The following SH3GLB1 variants were observed in gnomAD, a reference collection of about 807,000 sequenced individuals.
SH3GLB1 encodes SH3 domain containing GRB2 like, endophilin B1.
A neutral mutation model predicts 42.0 loss-of-function variants in SH3GLB1; 17 were observed. The ratio of observed to expected loss-of-function variants is 0.40; its 90% CI spans 0.28 to 0.61. The LOEUF (loss-of-function observed/expected upper bound fraction) is 0.61. Among genes scored for constraint, SH3GLB1 ranks in the 20% least tolerant of loss-of-function variants. SH3GLB1 has a pLI of 0.36. For missense variants in SH3GLB1, 355 were observed against 426.3 expected, an observed-to-expected ratio of 0.83 and a Z score of 1.47; for synonymous variants, 132 against 146.6, an observed-to-expected ratio of 0.90 and a Z score of 0.72.
At chr1:86,734,502 T>G in intron 5 of SH3GLB1, 100 bp from the exon 6 acceptor site, 5 of 811,364 alleles carry the variant, frequency 6.2e-6, no homozygotes, top group Non-Finnish European at 9.9e-6. Context: ...GATTATAACT[T>G]GAGGTTTGTT....
At chr1:86,724,242 C>G (rs1485615034) in intron 4 of SH3GLB1, 71 bp from the exon 5 acceptor site, 2 of 1,073,666 alleles carry the variant, frequency 1.9e-6, no homozygotes, top group Non-Finnish European at 2.7e-6. Context: ...GGGAATAATA[C>G]TTTAAATGTG....
chr1:86,710,119 T>A (rs1654112939), intron 1 of SH3GLB1, among the ~76,000 whole-genome samples: 1 of 152,234 alleles, frequency 6.6e-6, no homozygotes, highest in Non-Finnish European at 1.5e-5. Flanking sequence ...TGTTTTCACA[T>A]CCTTTGGTGC....
chr1:86,715,052 A>G (rs1258047441), intron 1 of SH3GLB1, among the ~76,000 whole-genome samples: 2 of 152,196 alleles, frequency 1.3e-5, no homozygotes, highest in Admixed American at 1.3e-4. Context: ...CTATAAATAA[A>G]TTGCTGGAAC....
intron 1 of SH3GLB1, among the ~76,000 whole-genome samples, chr1:86,708,811 C>T (rs962924890): frequency 2.6e-5 from 4 of 152,190 alleles, no homozygotes; most frequent in African/African-American, 9.6e-5. Flanking sequence ...CCCTTACAAT[C>T]TGGTCCTTTC....
At chr1:86,743,077 C>T in intron 8 of SH3GLB1, 51 bp from the exon 9 acceptor site, 1 of 1,390,772 alleles carries the variant, frequency 7.2e-7, no homozygotes, top group Non-Finnish European at 1.0e-6. Context: ...TGGTTTTCTA[C>T]TTGTTTATTT....
At chr1:86,730,287 G>A (rs1319435284) in intron 5 of SH3GLB1, 2 of 985,192 alleles carry the variant, frequency 2.0e-6, no homozygotes, top group Non-Finnish European at 2.4e-6. Context: ...GCTCCACCAA[G>A]CAGTTGAACA....
chr1:86,738,763 C>G (rs900671264), intron 7 of SH3GLB1: 2 of 152,574 alleles, frequency 1.3e-5, no homozygotes, highest in African/African-American at 4.8e-5. Context: ...CTGCCTCAGC[C>G]TCCCAAGTAG....
At chr1:86,742,500 C>A in intron 8 of SH3GLB1, 64 bp downstream of exon 8, 2 of 1,210,154 alleles carry the variant, frequency 1.7e-6, no homozygotes, top group Non-Finnish European at 2.4e-6. Context: ...AATATTATAA[C>A]AAAATGCAAA....
At chr1:86,722,428 C>T in intron 3 of SH3GLB1, 112 bp from the exon 4 acceptor site, 1 of 911,908 alleles carries the variant, frequency 1.1e-6, no homozygotes, top group Non-Finnish European at 1.6e-6. Context: ...TTTACTTTAG[C>T]AAGCAAGTTA....
At chr1:86,713,189 A>C (rs1654313632) in intron 1 of SH3GLB1, among the ~76,000 whole-genome samples, 1 of 151,952 alleles carries the variant, frequency 6.6e-6, no homozygotes, top group Non-Finnish European at 1.5e-5. Context: ...TGTCACCCAG[A>C]ATGGAGTGCA....
At position 86,744,211 on chromosome 1, in the gene SH3GLB1, T is replaced by C. The variant is rs1656194398; in HGVS notation, c.*976T>C. On this transcript the variant is annotated 3_prime_UTR_variant, in exon 9 of 9. Coordinates refer to ENST00000370558, the MANE Select transcript of SH3GLB1 (RefSeq NM_016009.5). ...TGAGGATCTCTGCTTATGAAACACA[T>C]ACTAATGAAATTATTAGTGACACAT... The C allele has an allele frequency of 6.6e-6, 1 of 152,232 alleles. No homozygotes were observed. The highest frequency in any genetic ancestry group is 1.5e-5 in the Non-Finnish European group (1 of 68,036). 9.4% of individuals were successfully genotyped at this position (152,232 alleles called of 1,614,324 possible).
At chr1:86,722,028 T>C (rs1449365499) in intron 3 of SH3GLB1, among the ~76,000 whole-genome samples, 1 of 150,292 alleles carries the variant, frequency 6.7e-6, no homozygotes, top group East Asian at 1.9e-4. Context: ...TTTTTTTTTT[T>C]TTTTAATAGT....
At chr1:86,733,731 A>T (rs1376764456) in intron 5 of SH3GLB1, among the ~76,000 whole-genome samples, 5 of 152,176 alleles carry the variant, frequency 3.3e-5, no homozygotes, top group Admixed American at 3.3e-4. Flanking sequence ...CGCAGCAGTA[A>T]GCCTCCTTTA....
chr1:86,705,544 C>T (rs1356407304), intron 1 of SH3GLB1, among the ~76,000 whole-genome samples: 1 of 152,186 alleles, frequency 6.6e-6, no homozygotes, highest in African/African-American at 2.4e-5. Context: ...TGAGACTTTG[C>T]CAAGACCACA....
At chr1:86,705,564 G>A (rs1653811432) in intron 1 of SH3GLB1, among the ~76,000 whole-genome samples, 1 of 152,222 alleles carries the variant, frequency 6.6e-6, no homozygotes, top group Admixed American at 6.5e-5. Context: ...AAGAAACCTA[G>A]GGTTGGGGGG....
intron 1 of SH3GLB1, among the ~76,000 whole-genome samples, chr1:86,708,932 G>T (rs1654030907): frequency 6.6e-6 from 1 of 152,092 alleles, no homozygotes. Context: ...TGTCCTGTCT[G>T]CCTATTCTTT....
At chr1:86,734,718 T>C (rs1261880819) in intron 6 of SH3GLB1, 27 bp downstream of exon 6, 2 of 1,578,788 alleles carry the variant, frequency 1.3e-6, no homozygotes, top group South Asian at 2.2e-5. Flanking sequence ...TGGAAATTCA[T>C]TTGGAACAAG....
At chr1:86,735,334 G>C (rs1655729496) in intron 7 of SH3GLB1, among the ~76,000 whole-genome samples, 155 bp downstream of exon 7, 1 of 152,016 alleles carries the variant, frequency 6.6e-6, no homozygotes, top group African/African-American at 2.4e-5. Context: ...GTTTTCTGAG[G>C]TAACAGAATA....
chr1:86,719,126 C>A (rs1654718317), intron 2 of SH3GLB1, among the ~76,000 whole-genome samples: 1 of 152,078 alleles, frequency 6.6e-6, no homozygotes, highest in Non-Finnish European at 1.5e-5. Flanking sequence ...AGCCAGAAAT[C>A]CTGATTTTGA....
Sources: gnomAD v4.1 joint callset for allele counts (sites outside exome capture counted in the v4.1 genomes callset) on GRCh38, gnomAD v4.1.1 for gene constraint, MANE v1.5 for transcripts, NCBI Gene and HGNC (gene_info 2026-07-23, HGNC 2026-07-21) for gene names.